The following CACNA1D variants were observed in gnomAD, a reference collection of about 807,000 sequenced individuals.
CACNA1D encodes calcium voltage-gated channel subunit alpha1 D.
A neutral mutation model predicts 257.1 loss-of-function variants in CACNA1D; 55 were observed. The ratio of observed to expected loss-of-function variants is 0.21; its 90% CI spans 0.17 to 0.27. CACNA1D has a LOEUF of 0.27. Among genes scored for constraint, CACNA1D ranks in the 10% least tolerant of loss-of-function variants. The pLI, the probability that CACNA1D is intolerant of heterozygous loss-of-function variation, is 1.00. For missense variants in CACNA1D, 1,876 were observed against 2,784.0 expected (o/e 0.67, Z 7.34); for synonymous variants, 980 against 1,014.9 (o/e 0.97, Z 0.65).
At chr3:53,558,121 A>G (rs2092678524) in intron 3 of CACNA1D, among the ~76,000 whole-genome samples, 1 of 152,150 alleles carries the variant, frequency 6.6e-6, no homozygotes, top group South Asian at 2.1e-4. Context: ...AATCCCACTT[A>G]GTCATGGTCA....
intron 3 of CACNA1D, among the ~76,000 whole-genome samples, chr3:53,517,640 C>T (rs1385673965): frequency 1.3e-5 from 2 of 152,102 alleles, no homozygotes; most frequent in African/African-American, 4.8e-5. Context: ...TGCGCCACCA[C>T]ACCCAGCTAA....
chr3:53,539,228 G>A (rs550096551), intron 3 of CACNA1D, among the ~76,000 whole-genome samples: 9 of 152,098 alleles, frequency 5.9e-5, no homozygotes, highest in African/African-American at 1.9e-4. Flanking sequence ...TTCTGCCTCA[G>A]CCTCCCTAGT....
intron 38 of CACNA1D, among the ~76,000 whole-genome samples, chr3:53,780,989 T>C (rs1252100276): frequency 6.6e-6 from 1 of 152,210 alleles, no homozygotes; most frequent in African/African-American, 2.4e-5. Flanking sequence ...CAGGGGCGCC[T>C]TGTAGCATGC....
At chr3:53,787,043 C>CAGTA in intron 40 of CACNA1D, 91 bp downstream of exon 40, 1 of 1,354,090 alleles carries the variant, frequency 7.4e-7, no homozygotes, top group Non-Finnish European at 1.0e-6. Context: ...CATGGTTGAG[C>CAGTA]AGTACCACAA....
chr3:53,805,889 ATCT>A (rs1431800798), intron 45 of CACNA1D, among the ~76,000 whole-genome samples: 1 of 44,142 alleles, frequency 2.3e-5, no homozygotes, highest in Non-Finnish European at 4.1e-5. Flanking sequence ...CTCCTCCCGC[ATCT>A]TCTCCTCCTC....
At chr3:53,553,253 A>C in intron 3 of CACNA1D, among the ~76,000 whole-genome samples, 1 of 152,254 alleles carries the variant, frequency 6.6e-6, no homozygotes. Context: ...AATTTCCGTG[A>C]CTAATGAAGC....
chr3:53,668,145 A>AT (rs2094287591), intron 7 of CACNA1D, among the ~76,000 whole-genome samples: 1 of 152,112 alleles, frequency 6.6e-6, no homozygotes, highest in Non-Finnish European at 1.5e-5. Flanking sequence ...CAACATTTTG[A>AT]TTTTTTTAAA....
At chr3:53,809,060 T>G in intron 46 of CACNA1D, 1 of 449,108 alleles carries the variant, frequency 2.2e-6, no homozygotes, top group South Asian at 2.4e-5. Flanking sequence ...TTCCTGGCAT[T>G]GAATACAGAG....
In CACNA1D at chr3:53,771,762, G is replaced by A. The variant is rs537763870; in HGVS notation, c.4045-1071G>A. ...GATAAGAAAGTCATGTTCCAGAGCA[G>A]CAGTTCATAAAAGCAGAGAAACTGT... On this transcript the variant is annotated intron_variant, in intron 32 of 47. Transcript: ENST00000350061. Among the ~76,000 whole-genome samples, 159 of 152,360 alleles carry A rather than the reference G, an allele frequency of 1.0e-3. 1 individual carries two copies. The highest frequency in any genetic ancestry group is 3.5e-3 in the African/African-American group (147 of 41,590).
chr3:53,732,505 C>G (rs1270153460), intron 18 of CACNA1D, among the ~76,000 whole-genome samples: 1 of 152,170 alleles, frequency 6.6e-6, no homozygotes. Flanking sequence ...GGGGAAACAG[C>G]CAGGTGTTGG....
At position 53,811,063 on chromosome 3, in the gene CACNA1D, T is replaced by C. The variant is rs770473889; in HGVS notation, c.6193-50T>C. The C allele has an allele frequency of 3.3e-6, 5 of 1,493,060 alleles. No homozygotes were observed. The highest frequency in any genetic ancestry group is 4.7e-6 in the Non-Finnish European group (5 of 1,070,026). 92.5% of individuals were successfully genotyped at this position (1,493,060 alleles called of 1,614,324 possible). On this transcript the variant is annotated intron_variant, in intron 47 of 47. Coordinates refer to ENST00000350061, the MANE Select transcript of CACNA1D (RefSeq NM_001128840.3). The surrounding 1 kb of genome is among the most constrained non-coding windows in gnomAD (Gnocchi z 4.2). Reference sequence around the variant, plus strand: ...TGATTTTTCTGTCGTCCCCCTGCCCTGCAAAGCCTTATAACACCCCCATGC... The same window carrying C: ...TGATTTTTCTGTCGTCCCCCTGCCCCGCAAAGCCTTATAACACCCCCATGC...
chr3:53,516,691 G>T (rs2091348970), intron 3 of CACNA1D, among the ~76,000 whole-genome samples: 1 of 152,222 alleles, frequency 6.6e-6, no homozygotes. Context: ...TCTGTGCAAT[G>T]AACTAGTAGG....
intron 30 of CACNA1D, 33 bp from the exon 31 acceptor site, chr3:53,769,940 A>G (rs755330173): frequency 1.9e-6 from 3 of 1,564,392 alleles, no homozygotes; most frequent in South Asian, 2.2e-5. Context: ...TTCCTGGTTC[A>G]TTAATCCATT....
intron 3 of CACNA1D, among the ~76,000 whole-genome samples, chr3:53,543,959 A>T (rs1323303660): frequency 6.6e-6 from 1 of 152,242 alleles, no homozygotes; most frequent in Non-Finnish European, 1.5e-5. Context: ...AGATTTGCTC[A>T]TCTTTAATGT....
intron 45 of CACNA1D, chr3:53,805,353 T>C (rs1044633347): frequency 1.2e-5 from 7 of 597,976 alleles, no homozygotes; most frequent in Non-Finnish European, 1.8e-5. Context: ...TCTTCAGTGC[T>C]ATGCTTGACT....
At chr3:53,748,653 G>C (rs545165997) in intron 26 of CACNA1D, among the ~76,000 whole-genome samples, 6 of 152,188 alleles carry the variant, frequency 3.9e-5, no homozygotes, top group Non-Finnish European at 5.9e-5. Flanking sequence ...ATATTCCTAT[G>C]ATGGGGATGA....
intron 4 of CACNA1D, among the ~76,000 whole-genome samples, chr3:53,655,586 A>G (rs1231018759): frequency 6.6e-6 from 1 of 152,178 alleles, no homozygotes; most frequent in Non-Finnish European, 1.5e-5. Context: ...TTTTTAAAAT[A>G]TGCTTCTTGA....
Position 53,781,581 on chromosome 3 carries a change from C to G in CACNA1D, c.4706C>G (p.Ala1569Gly), listed in dbSNP as rs1310367342. 6.2e-7 allele frequency: 1 copy of G among 1,613,234 alleles called. No individual in the cohort carries two copies. The highest frequency in any genetic ancestry group is 1.7e-5 in the Admixed American group (1 of 60,032). Residue 1569 changes from alanine (A) to glycine (G), a missense_variant, in exon 39 of 48, where the codon GCT becomes GGT. Physicochemically the swap from Ala to Gly is moderately conservative, Grantham distance 60. Coordinates refer to ENST00000350061, the MANE Select transcript of CACNA1D (RefSeq NM_001128840.3). ...KIKTEGNLEQ[A>G]NEELRAVIKK... is the part of the protein sequence containing the mutation. Reference sequence around the variant, plus strand: ...TTGAATCCAGGGAACCTGGAGCAAGCTAATGAAGAACTTCGGGCTGTGATA... The same window carrying G: ...TTGAATCCAGGGAACCTGGAGCAAGGTAATGAAGAACTTCGGGCTGTGATA...
intron 3 of CACNA1D, among the ~76,000 whole-genome samples, chr3:53,643,820 T>C (rs1346872155): frequency 6.6e-6 from 1 of 152,228 alleles, no homozygotes; most frequent in Non-Finnish European, 1.5e-5. Flanking sequence ...TGTGGACTGC[T>C]CTTCGCCCTG....
Sources: allele counts gnomAD v4.1 joint callset (sites outside exome capture counted in the v4.1 genomes callset), GRCh38; gene constraint gnomAD v4.1.1; non-coding constraint Gnocchi (gnomAD v3.1); transcripts MANE v1.5; gene names NCBI Gene and HGNC (gene_info 2026-07-23, HGNC 2026-07-21).